ZC3H4: variants seen among roughly 807,000 people sequenced by gnomAD.
ZC3H4 encodes the protein zinc finger CCCH-type containing 4.
A neutral mutation model predicts 108.3 loss-of-function variants in ZC3H4; 13 were observed. That is an observed-to-expected ratio of 0.12 (90% CI 0.08 to 0.19). The LOEUF (loss-of-function observed/expected upper bound fraction) is 0.19, where lower values mean the gene tolerates loss of function less well. Among genes scored for constraint, ZC3H4 ranks in the 10% least tolerant of loss-of-function variants. The pLI, the probability that ZC3H4 is intolerant of heterozygous loss-of-function variation, is 1.00. For synonymous variants in ZC3H4, 917 were observed against 749.6 expected (o/e 1.22, Z -3.65); for missense variants, 1,734 against 1,838.8 (o/e 0.94, Z 1.04).
chr19:47,099,885 C>T (rs993058265), intron 2 of ZC3H4, among the ~76,000 whole-genome samples: 2 of 148,700 alleles, frequency 1.3e-5, no homozygotes, highest in Non-Finnish European at 3.0e-5. Flanking sequence ...ATGGGAACAG[C>T]AGCGGTTACC....
chr19:47,073,210 C>G (rs1035455640), intron 11 of ZC3H4, among the ~76,000 whole-genome samples: 15 of 152,036 alleles, frequency 9.9e-5, no homozygotes, highest in African/African-American at 3.4e-4. Context: ...GAGGCAGAAG[C>G]TGCAGTGAGC....
At chr19:47,081,165 G>A (rs1479683750) in intron 11 of ZC3H4, among the ~76,000 whole-genome samples, 2 of 152,192 alleles carry the variant, frequency 1.3e-5, no homozygotes, top group Non-Finnish European at 2.9e-5. Flanking sequence ...CTCCCAAAGT[G>A]CTGGGGTTAC....
rs550421235 is a variant in ZC3H4 at position 47,081,501 on chromosome 19, C to T, written c.1440+12G>A. 1 of 1,613,620 alleles carries T rather than the reference C, an allele frequency of 6.2e-7. No homozygotes were observed. Among genetic ancestry groups the T allele is most frequent in the African/African-American group, 1.3e-5 (1 of 75,038 alleles). ...TCCTGTAGCCGGGGGCCCCGTTACC[C>T]CCGGACATTACCTTATCCAAGAGCT... On this transcript the variant is annotated intron_variant, in intron 11 of 14. Coordinates refer to ENST00000253048, the MANE Select transcript of ZC3H4 (RefSeq NM_015168.2).
intron 13 of ZC3H4, among the ~76,000 whole-genome samples, chr19:47,070,898 C>T (rs957747238): frequency 5.3e-5 from 8 of 152,334 alleles, no homozygotes; most frequent in African/African-American, 1.7e-4. Context: ...GTCCAAACCT[C>T]GAAGCCCTGC....
At chr19:47,105,522 C>T (rs1355900367) in intron 2 of ZC3H4, among the ~76,000 whole-genome samples, 4 of 152,130 alleles carry the variant, frequency 2.6e-5, no homozygotes, top group African/African-American at 7.2e-5. Flanking sequence ...ATCCCTTGAA[C>T]CAGGAGGCAG....
intron 2 of ZC3H4, among the ~76,000 whole-genome samples, chr19:47,108,533 G>C (rs1441007740): frequency 6.6e-6 from 1 of 152,198 alleles, no homozygotes; most frequent in Non-Finnish European, 1.5e-5. Context: ...CAGAGGTGTA[G>C]GCACCGTTAA....
Position 47,073,298 on chromosome 19 carries a change from G to GGT in ZC3H4, c.1441-587_1441-586dup, listed in dbSNP as rs1418819720. Among the ~76,000 whole-genome samples, 3 of 150,778 alleles carry GGT rather than the reference G, an allele frequency of 2.0e-5. No individual in the cohort carries two copies. In the East Asian group the frequency reaches 5.9e-4, roughly 30 times the overall value. On this transcript the variant is annotated intron_variant, in intron 11 of 14. Coordinates refer to ENST00000253048, the MANE Select transcript of ZC3H4 (RefSeq NM_015168.2). ...AAAATAAATAAATAATGCCAGACGTGGTGGCTCATGCTTGTAATCCCAGCA... is the reference window on the plus strand; with the variant it reads ...AAAATAAATAAATAATGCCAGACGTGGTGTGGCTCATGCTTGTAATCCCAGCA...
In ZC3H4 at chr19:47,072,096, C is replaced by T. The variant is rs1230052344; in HGVS notation, c.1828G>A (p.Gly610Arg). 6.4e-7 allele frequency: 1 copy of T among 1,551,090 alleles called. No individual in the cohort carries two copies. Residue 610 changes from glycine to arginine, a missense_variant, in exon 13 of 15, where the codon GGG becomes AGG. By Grantham distance (125) the Gly-to-Arg change is moderately radical. Coordinates refer to ENST00000253048, the MANE Select transcript of ZC3H4 (RefSeq NM_015168.2). The surrounding 1 kb of genome is among the most constrained non-coding windows in gnomAD (Gnocchi z 5.6). ...ATGTTGGGCCCAGGGCCCATTGGCCCTGGGGGTCCACCGGGTCCAGGGAAC... is the reference window on the plus strand; with the variant it reads ...ATGTTGGGCCCAGGGCCCATTGGCCTTGGGGGTCCACCGGGTCCAGGGAAC... Reference protein sequence around the residue: ...VRFPGPGGPPGPMGPGPNMGP... With the variant: ...VRFPGPGGPPRPMGPGPNMGP...
At chr19:47,103,432 T>G (rs190135973) in intron 2 of ZC3H4, among the ~76,000 whole-genome samples, 2 of 152,282 alleles carry the variant, frequency 1.3e-5, no homozygotes, top group Admixed American at 1.3e-4. Flanking sequence ...GCCTCCCAAG[T>G]AGATGGGACT....
intron 4 of ZC3H4, among the ~76,000 whole-genome samples, chr19:47,093,053 A>C (rs1032087947): frequency 2.9e-4 from 44 of 151,744 alleles, no homozygotes; most frequent in Middle Eastern, 3.4e-3. Context: ...TGTCTCTACT[A>C]AAAACACAAA....
intron 13 of ZC3H4, among the ~76,000 whole-genome samples, chr19:47,071,109 C>T (rs1005200053): frequency 3.9e-5 from 6 of 152,208 alleles, no homozygotes; most frequent in East Asian, 1.9e-4. Context: ...TCTGGCCCAC[C>T]GCCACGGTTC....
chr19:47,072,429 C>T lies in ZC3H4; in HGVS notation c.1725G>A (p.Met575Ile), dbSNP rs763430662. ...LSPQQLQQQD[M>I]YNKKIPSLFE... ...ACAAGGAGGGGATCTTCTTGTTGTA[C>T]ATGTCCTGCTGCTGCAGCTGCTGCG... The change falls in exon 12 of 15, where the codon ATG (methionine) becomes ATA (isoleucine). Residue 575 changes from methionine to isoleucine, a missense_variant. This residue lies in a region of ZC3H4 where 75 missense variants were observed against 85.8 expected (regional missense o/e 0.87). Coordinates refer to ENST00000253048, the MANE Select transcript of ZC3H4 (RefSeq NM_015168.2). The surrounding 1 kb of genome is among the most constrained non-coding windows in gnomAD (Gnocchi z 5.6). The T allele has an allele frequency of 1.9e-6, 3 of 1,612,016 alleles. No individual in the cohort carries two copies. The highest frequency in any genetic ancestry group is 2.7e-5 in the African/African-American group (2 of 74,692).
chr19:47,076,302 C>T (rs1416864630), intron 11 of ZC3H4, among the ~76,000 whole-genome samples: 1 of 144,182 alleles, frequency 6.9e-6, no homozygotes, highest in Non-Finnish European at 1.5e-5. Flanking sequence ...CCAGACTCAA[C>T]ACATGCACGC....
chr19:47,112,258 G>T, intron 2 of ZC3H4, 166 bp downstream of exon 2: 2 of 1,144,842 alleles, frequency 1.7e-6, no homozygotes, highest in Non-Finnish European at 2.2e-6. Flanking sequence ...AAGCGAGAAA[G>T]AGCGAGCGAG....
chr19:47,088,701 G>A (rs191364532), intron 5 of ZC3H4, among the ~76,000 whole-genome samples: 9 of 152,176 alleles, frequency 5.9e-5, no homozygotes, highest in African/African-American at 1.9e-4. Context: ...GTGTTGCCCA[G>A]GCTGGCCTCC....
Position 47,071,910 on chromosome 19 carries a change from T to C in ZC3H4, c.2014A>G (p.Met672Val). 6.2e-7 allele frequency: 1 copy of C among 1,612,528 alleles called. No homozygotes were observed. Among genetic ancestry groups the C allele is most frequent in the South Asian group, 1.1e-5 (1 of 90,892 alleles). The change falls in exon 13 of 15, where the codon ATG becomes GTG. Residue 672 changes from methionine to valine, a missense_variant. Around this residue, in one of 9 missense-constraint regions of ZC3H4, gnomAD observed 540 missense variants for 484.1 expected, o/e 1.12. Transcript: ENST00000253048. ...GGGGAGTCTCCAGGGCCGTAGGGCATCATTGGAGGGCCGCCAGGGCCCATG... is the reference window on the plus strand; with the variant it reads ...GGGGAGTCTCCAGGGCCGTAGGGCACCATTGGAGGGCCGCCAGGGCCCATG... ...PPMGPGGPPM[M>V]PYGPGDSPHS...
rs1400540809 is a variant in ZC3H4 at position 47,100,366 on chromosome 19, T to C, written c.162-5758A>G. On this transcript the variant is annotated intron_variant, in intron 2 of 14. Transcript: ENST00000253048. Reference sequence around the variant, plus strand: ...AGAAACCAAGAACAAATGTGCTCTGTCTCCTTTTCTTCAGCATTCTCAGGT... The same window carrying C: ...AGAAACCAAGAACAAATGTGCTCTGCCTCCTTTTCTTCAGCATTCTCAGGT... Among the ~76,000 whole-genome samples the C allele has an allele frequency of 2.0e-5, 3 of 152,092 alleles. No individual in the cohort carries two copies. The East Asian group carries it at 5.8e-4, about 29-fold the overall frequency.
At position 47,088,314 on chromosome 19, in the gene ZC3H4, G is replaced by A. The variant is rs908823191; in HGVS notation, c.715+1653C>T. On this transcript the variant is annotated intron_variant, in intron 5 of 14. Transcript: ENST00000253048. ...TGTAATCCCAGCACTTTGGGAGGCC[G>A]AGGTAGGCGGATCACGAGGTCGAGA... Among the ~76,000 whole-genome samples, 15 of 152,200 alleles carry A rather than the reference G, an allele frequency of 9.9e-5. No homozygotes were observed. The East Asian group carries it at 1.9e-3, about 20-fold the overall frequency.
intron 2 of ZC3H4, among the ~76,000 whole-genome samples, chr19:47,103,042 C>T (rs1324556214): frequency 6.6e-6 from 1 of 152,134 alleles, no homozygotes; most frequent in Non-Finnish European, 1.5e-5. Flanking sequence ...ATCTATTCTT[C>T]CACTCCCACG....
Sources: gnomAD v4.1 joint callset for allele counts (sites outside exome capture counted in the v4.1 genomes callset) on GRCh38, gnomAD v4.1.1 for gene constraint, gnomAD v4.1.1 regional missense constraint, Gnocchi (gnomAD v3.1) non-coding constraint, MANE v1.5 for transcripts, NCBI Gene and HGNC (gene_info 2026-07-23, HGNC 2026-07-21) for gene names.